USP42: variants seen among roughly 807,000 people sequenced by gnomAD.
USP42 encodes ubiquitin specific peptidase 42.
USP42 carries 23 observed loss-of-function variants against 113.0 expected under a neutral mutation model. That is an observed-to-expected ratio of 0.20 (90% CI 0.15 to 0.29). The LOEUF (loss-of-function observed/expected upper bound fraction) is 0.29. Among genes scored for constraint, USP42 ranks in the 10% least tolerant of loss-of-function variants. The pLI is 1.00. For synonymous variants in USP42, 933 were observed against 699.0 expected, an observed-to-expected ratio of 1.33 and a Z score of -5.28; for missense variants, 2,174 against 1,779.8, an observed-to-expected ratio of 1.22 and a Z score of -3.99.
rs1425283060 is a variant in USP42 at position 6,154,303 on chromosome 7, G to A, written c.2749G>A (p.Glu917Lys). 5 of 1,585,346 alleles carry A rather than the reference G, an allele frequency of 3.2e-6. No individual in the cohort carries two copies. The highest frequency in any genetic ancestry group is 4.3e-6 in the Non-Finnish European group (5 of 1,166,630). ...GGCCGGTCACCCGGAAGGGGACGCT[G>A]AGCCTAGCCCCGGCGAGAGGGTCGA... ...APAGHPEGDA[E>K]PSPGERVEDA... Residue 917 changes from glutamate (E) to lysine (K), a missense_variant, in exon 15 of 18, where the codon GAG becomes AAG. Physicochemically the swap from Glu to Lys is moderately conservative, Grantham distance 56. Coordinates refer to ENST00000306177, the MANE Select transcript of USP42 (RefSeq NM_032172.3).
intron 3 of USP42, 99 bp downstream of exon 3, chr7:6,115,622 G>A (rs1779869025): frequency 7.2e-7 from 1 of 1,390,318 alleles, no homozygotes; most frequent in Non-Finnish European, 9.9e-7. Context: ...AGAGTGCTAT[G>A]ATTACTAAGA....
At position 6,154,379 on chromosome 7, in the gene USP42, T is replaced by C. The variant is rs1418100688; in HGVS notation, c.2825T>C (p.Ile942Thr). The C allele has an allele frequency of 1.9e-6, 3 of 1,575,890 alleles. No individual in the cohort carries two copies. Among genetic ancestry groups the C allele is most frequent in the South Asian group, 2.3e-5 (2 of 86,090 alleles). Residue 942 changes from isoleucine to threonine, a missense_variant, in exon 15 of 18, where the codon ATC becomes ACC. Transcript: ENST00000306177. ...GGCCCTTCCCCAGCGAAGGAGAAAA[T>C]CGGCAGCCTCAGAAAGGTGGACCGA... ...APGPSPAKEK[I>T]GSLRKVDRGH...
intron 3 of USP42, 46 bp from the exon 4 acceptor site, chr7:6,135,795 T>C (rs763290571): frequency 3.3e-6 from 4 of 1,225,422 alleles, no homozygotes; most frequent in Non-Finnish European, 4.6e-6. Context: ...GATGTGTGTA[T>C]ATGGTTGTAT....
At chr7:6,088,151 C>T in the USP42 span, among the ~76,000 whole-genome samples, 1 of 151,224 alleles carries the variant, frequency 6.6e-6, no homozygotes, top group Non-Finnish European at 1.5e-5. Flanking sequence ...TATTTAAAAA[C>T]TAGCCGGGTA....
intron 14 of USP42, among the ~76,000 whole-genome samples, chr7:6,151,035 C>G (rs1385530678): frequency 4.6e-5 from 7 of 152,232 alleles, no homozygotes; most frequent in Non-Finnish European, 1.0e-4. Flanking sequence ...CAGCCTGTGA[C>G]TGCACTGGAT....
Position 6,157,263 on chromosome 7 carries a change from G to A in USP42, c.3943+208G>A. 1 of 1,324,198 alleles carries A rather than the reference G, an allele frequency of 7.6e-7. No individual in the cohort carries two copies. The allele number at this position is 1,324,198 out of a possible 1,614,324, so 82.0% of individuals were successfully genotyped here. A position where few individuals can be genotyped will look rare whatever the true frequency, so the allele number is the denominator to read the frequency against. Reference sequence around the variant, plus strand: ...AGTTAAGCCCTTAGCGTTTATTGAAGGCCTAAGTGACACAGGACTGAGGGC... The same window carrying A: ...AGTTAAGCCCTTAGCGTTTATTGAAAGCCTAAGTGACACAGGACTGAGGGC... On this transcript the variant is annotated intron_variant, in intron 16 of 17. Transcript: ENST00000306177. The surrounding 1 kb of genome is among the most constrained non-coding windows in gnomAD (Gnocchi z 4.1).
chr7:6,154,441 G>C lies in USP42; in HGVS notation c.2887G>C (p.Gly963Arg). 1 of 1,568,844 alleles carries C rather than the reference G, an allele frequency of 6.4e-7. No homozygotes were observed. Among genetic ancestry groups the C allele is most frequent in the East Asian group, 2.4e-5 (1 of 42,054 alleles). The change falls in exon 15 of 18, where the codon GGG (glycine) becomes CGG (arginine). Residue 963 changes from glycine (G) to arginine (R), a missense_variant. Transcript: ENST00000306177. ...YRSRRERSSS[G>R]EPARESRSKT... ...CAGCCGGAGAGAGCGCTCGTCCAGC[G>C]GGGAGCCCGCCAGAGAGAGCAGGAG...
intron 3 of USP42, 102 bp from the exon 4 acceptor site, chr7:6,135,739 C>T: frequency 1.1e-5 from 5 of 451,386 alleles, no homozygotes; most frequent in South Asian, 4.7e-5. Flanking sequence ...CATATAGCAG[C>T]TATTATTTCA....
intron 11 of USP42, among the ~76,000 whole-genome samples, chr7:6,147,361 G>T (rs1189991146): frequency 6.6e-6 from 1 of 152,220 alleles, no homozygotes; most frequent in African/African-American, 2.4e-5. Flanking sequence ...TACTCAGGAG[G>T]CTGAGGCAGG....
chr7:6,082,123 C>A, the USP42 span, among the ~76,000 whole-genome samples: 1,012 of 150,118 alleles, frequency 6.7e-3, 10 homozygotes, highest in African/African-American at 0.023. Context: ...TTTATGGGTG[C>A]GAATTTATCC....
At position 6,115,338 on chromosome 7, in the gene USP42, T is replaced by G; in HGVS notation, c.257T>G (p.Ile86Ser). The change falls in exon 3 of 18, where the codon ATC (isoleucine) becomes AGC (serine). Residue 86 changes from isoleucine (I) to serine (S), a missense_variant. Ile to Ser is a moderately radical substitution (Grantham distance 142). Transcript: ENST00000306177. The stretch of plus-strand genomic sequence containing the variant: ...ATTTTTCTAGCCCTAGGTGATGGCA[T>G]CGCTCCTCCACAGAAAGTTCTTTTC... ...PQKDQALGDG[I>S]APPQKVLFPS... 6.2e-7 allele frequency: 1 copy of G among 1,614,000 alleles called. No homozygotes were observed. The highest frequency in any genetic ancestry group is 8.5e-7 in the Non-Finnish European group (1 of 1,179,896).
Position 6,153,810 on chromosome 7 carries a change from T to A in USP42, c.2256T>A (p.Pro752=). 1 of 1,525,270 alleles carries A rather than the reference T, an allele frequency of 6.6e-7. No homozygotes were observed. Among genetic ancestry groups the A allele is most frequent in the Non-Finnish European group, 8.8e-7 (1 of 1,134,778 alleles). The allele number at this position is 1,525,270 out of a possible 1,614,324, so 94.5% of individuals were successfully genotyped here. Residue 752 remains proline (P), a synonymous_variant, in exon 15 of 18, where the codon CCT becomes CCA. Coordinates refer to ENST00000306177, the MANE Select transcript of USP42 (RefSeq NM_032172.3). ...AGGACCGCGACGCCGAGCCTCAGCC[T>A]GGCAGCCCCGCCGCCGAATCCCTGG... is the stretch of plus-strand genomic sequence containing the variant. ...PPEDRDAEPQ[P]GSPAAESLEE...
Position 6,145,898 on chromosome 7 carries a change from C to T in USP42, c.1131+242C>T, listed in dbSNP as rs534758855. ...CAACCTGGCCAACAGGGTGAAACCC[C>T]GCCTCTATTAAAAATACAAAAATTA... On this transcript the variant is annotated intron_variant, in intron 10 of 17. Transcript: ENST00000306177. 8.5e-5 allele frequency among the ~76,000 whole-genome samples: 13 copies of T among 152,170 alleles called. No homozygotes were observed. In the South Asian group the frequency reaches 1.0e-3, roughly 12 times the overall value.
chr7:6,156,685 C>T, intron 15 of USP42, 69 bp from the exon 16 acceptor site: 1 of 1,461,250 alleles, frequency 6.8e-7, no homozygotes, highest in East Asian at 2.5e-5. Context: ...GTGGAAAGGC[C>T]AAGCTCCAGG....
the USP42 span, among the ~76,000 whole-genome samples, chr7:6,095,652 G>A: frequency 0.029 from 4,407 of 151,224 alleles, 261 homozygotes; most frequent in East Asian, 0.24. Flanking sequence ...CTGGGCAACA[G>A]TGCAAGACTC....
chr7:6,083,798 T>G, the USP42 span, among the ~76,000 whole-genome samples: 1 of 150,812 alleles, frequency 6.6e-6, no homozygotes. Context: ...ATTCCTCTTT[T>G]TTTCCCCTTC....
In USP42 at chr7:6,161,484, T is replaced by C. The variant is rs550007416; in HGVS notation, c.*966T>C. 1 of 152,770 alleles carries C rather than the reference T, an allele frequency of 6.5e-6. No individual in the cohort carries two copies. The highest frequency in any genetic ancestry group is 2.1e-4 in the South Asian group (1 of 4,834). The allele number at this position is 152,770 out of a possible 1,614,324, so 9.5% of individuals were successfully genotyped here. A position where few individuals can be genotyped will look rare whatever the true frequency, so the allele number is the denominator to read the frequency against. ...GTTTAAAGTTTGATCTTTGTTTTTC[T>C]AAAGATTAAAAAAGCACTTGCCCCA... On this transcript the variant is annotated 3_prime_UTR_variant, in exon 18 of 18. Transcript: ENST00000306177.
rs1583706948 is a variant in USP42 at position 6,159,434 on chromosome 7, G to A, written c.3944-16G>A. 1.2e-6 allele frequency: 2 copies of A among 1,613,938 alleles called. No homozygotes were observed. Among genetic ancestry groups the A allele is most frequent in the Non-Finnish European group, 1.7e-6 (2 of 1,179,882 alleles). ...CAACCATCATTAAAATCTCTTTCCT[G>A]ACCTTTGCTTTCTAGGTGATTGAAA... On this transcript the variant is annotated splice_polypyrimidine_tract_variant and intron_variant, in intron 16 of 17. Transcript: ENST00000306177. The surrounding 1 kb of genome is among the most constrained non-coding windows in gnomAD (Gnocchi z 4.1).
rs1291832906 is a variant in USP42 at position 6,125,180 on chromosome 7, C to CAA, written c.442+9658_442+9659dup. Among the ~76,000 whole-genome samples, 80 of 54,016 alleles carry CAA rather than the reference C, an allele frequency of 1.5e-3. 1 individual carries two copies. Among genetic ancestry groups the CAA allele is most frequent in the African/African-American group, 5.9e-3 (73 of 12,386 alleles). 35.4% of individuals were successfully genotyped at this position (54,016 alleles called of 152,430 possible). The stretch of plus-strand genomic sequence containing the variant: ...TGGGCAACAGAGCGAGACTCTGTCT[C>CAA]AACAAAAAAAAAAAAAAAAAAAAAC... On this transcript the variant is annotated intron_variant, in intron 3 of 17. Coordinates refer to ENST00000306177, the MANE Select transcript of USP42 (RefSeq NM_032172.3).
Sources: allele counts gnomAD v4.1 joint callset (sites outside exome capture counted in the v4.1 genomes callset), GRCh38; gene constraint gnomAD v4.1.1; non-coding constraint Gnocchi (gnomAD v3.1); transcripts MANE v1.5; gene names NCBI Gene and HGNC (gene_info 2026-07-23, HGNC 2026-07-21).